The following ASIC2 variants were observed in gnomAD, a reference collection of about 807,000 sequenced individuals.
ASIC2 encodes acid-sensing ion channel 2.
A neutral mutation model predicts 57.3 loss-of-function variants in ASIC2; 25 were observed. That is an observed-to-expected ratio of 0.44 (90% CI 0.32 to 0.61). The LOEUF is 0.61. ASIC2 is among the 20% of genes least tolerant of loss of function. The pLI is 0.06. For synonymous variants in ASIC2, 319 were observed against 307.5 expected (o/e 1.04, Z -0.39); for missense variants, 641 against 738.1 (o/e 0.87, Z 1.52).
chr17:33,462,888 T>C (rs1381559309), intron 1 of ASIC2, among the ~76,000 whole-genome samples: 3 of 152,136 alleles, frequency 2.0e-5, no homozygotes, highest in Non-Finnish European at 4.4e-5. Context: ...GGAGACAGAG[T>C]CATTTATAGT....
chr17:33,469,103 C>G (rs887717549), intron 1 of ASIC2, among the ~76,000 whole-genome samples: 4 of 152,184 alleles, frequency 2.6e-5, no homozygotes, highest in Non-Finnish European at 4.4e-5. Context: ...GCATTGCCAA[C>G]CCAGAAGGGC....
Position 33,028,485 on chromosome 17 carries a change from T to G in ASIC2, c.988-93A>C, listed in dbSNP as rs2091868183. On this transcript the variant is annotated intron_variant, in intron 3 of 9. Transcript: ENST00000225823. ...TCAATCAACAAACAATTATTGAGCA[T>G]TTAAATACCATTAACTTTATAGACC... 4.1e-6 allele frequency: 6 copies of G among 1,460,698 alleles called. No homozygotes were observed. In the South Asian group the frequency reaches 7.5e-5, roughly 18 times the overall value. 90.5% of individuals were successfully genotyped at this position (1,460,698 alleles called of 1,614,324 possible).
intron 3 of ASIC2, among the ~76,000 whole-genome samples, chr17:33,033,063 G>A (rs2091891599): frequency 6.6e-6 from 1 of 152,214 alleles, no homozygotes; most frequent in Non-Finnish European, 1.5e-5. Context: ...AAGGTGAGGA[G>A]TTCAAGACCA....
intron 3 of ASIC2, among the ~76,000 whole-genome samples, chr17:33,031,472 A>C (rs2091883365): frequency 6.6e-6 from 1 of 152,146 alleles, no homozygotes; most frequent in Non-Finnish European, 1.5e-5. Context: ...TTCATTTCTT[A>C]AACATTTATT....
In ASIC2 at chr17:33,797,908, C is replaced by T. The variant is rs144220696; in HGVS notation, c.555+358070G>A. Among the ~76,000 whole-genome samples the T allele has an allele frequency of 2.9e-4, 44 of 152,298 alleles. No individual in the cohort carries two copies. In the East Asian group the frequency reaches 6.9e-3, roughly 24 times the overall value. ...CTATGGCTTCCTCCTTCTCATCACT[C>T]ACAGGACTAGCCCCCACACATAGGC... is the stretch of plus-strand genomic sequence containing the variant. On this transcript the variant is annotated intron_variant, in intron 1 of 9. Transcript: ENST00000359872.
intron 3 of ASIC2, among the ~76,000 whole-genome samples, chr17:33,064,763 G>A (rs1402379489): frequency 1.3e-5 from 2 of 152,214 alleles, no homozygotes; most frequent in East Asian, 3.8e-4. Flanking sequence ...CGTCACTCAC[G>A]CTGGGAGCTT....
intron 3 of ASIC2, among the ~76,000 whole-genome samples, chr17:33,053,834 T>C (rs2091987382): frequency 6.6e-6 from 1 of 152,156 alleles, no homozygotes; most frequent in Middle Eastern, 3.2e-3. Flanking sequence ...ACCTTAATAG[T>C]TTCACAAAAA....
At chr17:34,037,725 G>C (rs2142042838) in intron 1 of ASIC2, 2 of 1,614,128 alleles carry the variant, frequency 1.2e-6, no homozygotes, top group East Asian at 2.2e-5. Flanking sequence ...AACAAGTAGG[G>C]ATCACAGGCC....
intron 1 of ASIC2, among the ~76,000 whole-genome samples, chr17:34,088,756 C>T (rs1179523346): frequency 6.6e-6 from 1 of 152,240 alleles, no homozygotes; most frequent in African/African-American, 2.4e-5. Context: ...CGCCCCTCCC[C>T]AGCCTCGCTG....
At chr17:33,644,831 T>C (rs968448836) in intron 1 of ASIC2, among the ~76,000 whole-genome samples, 6 of 152,214 alleles carry the variant, frequency 3.9e-5, no homozygotes, top group African/African-American at 1.4e-4. Flanking sequence ...ATACCAGATA[T>C]TTGTGTGTTC....
At chr17:33,224,881 C>T (rs1437880602) in intron 1 of ASIC2, among the ~76,000 whole-genome samples, 3 of 152,184 alleles carry the variant, frequency 2.0e-5, no homozygotes, top group African/African-American at 7.2e-5. Flanking sequence ...TCAGGTACTA[C>T]TGGTGGTAGG....
At chr17:34,021,825 G>GTGTTT (rs1021157636) in intron 1 of ASIC2, among the ~76,000 whole-genome samples, 8 of 143,172 alleles carry the variant, frequency 5.6e-5, no homozygotes, top group African/African-American at 1.9e-4. Context: ...TGTTGGTTTT[G>GTGTTT]TGTTTTGTTT....
intron 1 of ASIC2, among the ~76,000 whole-genome samples, chr17:33,637,905 G>A (rs2142031623): frequency 6.6e-6 from 1 of 152,270 alleles, no homozygotes; most frequent in Non-Finnish European, 1.5e-5. Flanking sequence ...GGATAGTTTG[G>A]CGGATGAGGG....
chr17:33,807,900 G>A (rs746112855), intron 1 of ASIC2, among the ~76,000 whole-genome samples: 5 of 152,086 alleles, frequency 3.3e-5, no homozygotes, highest in Non-Finnish European at 5.9e-5. Context: ...TTTTATTATT[G>A]ACTTTAAGAG....
At chr17:33,951,324 T>C (rs1211408224) in intron 1 of ASIC2, among the ~76,000 whole-genome samples, 2 of 152,150 alleles carry the variant, frequency 1.3e-5, no homozygotes, top group East Asian at 3.9e-4. Flanking sequence ...ATAAATATCT[T>C]GCTTAAGATC....
intron 1 of ASIC2, among the ~76,000 whole-genome samples, chr17:33,518,198 C>A (rs1914632647): frequency 6.6e-6 from 1 of 152,194 alleles, no homozygotes; most frequent in African/African-American, 2.4e-5. Context: ...AACGCCTGAA[C>A]TCTGTAGAAA....
intron 1 of ASIC2, among the ~76,000 whole-genome samples, chr17:33,516,456 T>C (rs1914575661): frequency 6.6e-6 from 1 of 151,870 alleles, no homozygotes; most frequent in African/African-American, 2.4e-5. Context: ...GATGCTGTTG[T>C]TGCTCCTTCA....
chr17:33,690,425 C>T (rs919662369), intron 1 of ASIC2, among the ~76,000 whole-genome samples: 6 of 152,134 alleles, frequency 3.9e-5, no homozygotes, highest in African/African-American at 1.4e-4. Flanking sequence ...GCATCTTTTG[C>T]TCTTCATGTG....
intron 1 of ASIC2, among the ~76,000 whole-genome samples, chr17:33,611,059 T>C (rs1905391420): frequency 1.3e-5 from 2 of 152,220 alleles, no homozygotes; most frequent in Admixed American, 6.5e-5. Context: ...CACAATCTGC[T>C]AAATTCCCCA....
Sources: allele counts gnomAD v4.1 joint callset (sites outside exome capture counted in the v4.1 genomes callset), GRCh38; gene constraint gnomAD v4.1.1; transcripts MANE v1.5; gene names NCBI Gene and HGNC (gene_info 2026-07-23, HGNC 2026-07-21).